The following FUT9 variants were observed in gnomAD, a reference collection of about 807,000 sequenced individuals.
The protein encoded by FUT9 is 4-galactosyl-N-acetylglucosaminide 3-alpha-L-fucosyltransferase 9.
FUT9 carries 15 observed loss-of-function variants against 29.7 expected under a neutral mutation model. The observed-to-expected ratio is 0.51, with a 90% CI of 0.34 to 0.78. The LOEUF (loss-of-function observed/expected upper bound fraction) is 0.78, where lower values mean the gene tolerates loss of function less well. Ranked by LOEUF, FUT9 falls within the 30% of genes least tolerant of loss-of-function variation. The probability of loss-of-function intolerance (pLI) is 0.01; values close to 1 mark genes in which losing one functional copy is unlikely to be tolerated. For synonymous variants in FUT9, 169 were observed against 153.7 expected, an observed-to-expected ratio of 1.10 and a Z score of -0.74; for missense variants, 319 against 425.4, an observed-to-expected ratio of 0.75 and a Z score of 2.20.
At chr6:96,086,947 C>A (rs986511869) in intron 1 of FUT9, among the ~76,000 whole-genome samples, 1 of 152,116 alleles carries the variant, frequency 6.6e-6, no homozygotes, top group Non-Finnish European at 1.5e-5. Flanking sequence ...GTGCAGCCTG[C>A]CAATTTTCGG....
At chr6:96,098,397 C>T (rs749196050) in intron 1 of FUT9, among the ~76,000 whole-genome samples, 19 of 152,108 alleles carry the variant, frequency 1.2e-4, no homozygotes, top group Non-Finnish European at 2.4e-4. Context: ...TAATCACTCA[C>T]GATCCACAGT....
chr6:96,078,747 A>G (rs1771185860), intron 1 of FUT9, among the ~76,000 whole-genome samples: 1 of 151,924 alleles, frequency 6.6e-6, no homozygotes, highest in African/African-American at 2.4e-5. Context: ...CAAATTTTTC[A>G]TGATCGTTAA....
chr6:96,019,419 A>T (rs1325314283), intron 1 of FUT9, among the ~76,000 whole-genome samples: 1 of 152,044 alleles, frequency 6.6e-6, no homozygotes. Context: ...TCATGTCTCT[A>T]TATTATAAAA....
At chr6:96,078,661 G>C (rs1311556775) in intron 1 of FUT9, among the ~76,000 whole-genome samples, 6 of 151,516 alleles carry the variant, frequency 4.0e-5, no homozygotes, top group Non-Finnish European at 8.8e-5. Context: ...ACCTCGTGAT[G>C]AGCCCGACTC....
intron 1 of FUT9, among the ~76,000 whole-genome samples, chr6:96,076,452 A>C (rs1210235982): frequency 6.6e-6 from 1 of 152,168 alleles, no homozygotes; most frequent in African/African-American, 2.4e-5. Context: ...CAAGGAGACA[A>C]ATATCCACAT....
Position 96,203,376 on chromosome 6 carries a change from G to A in FUT9, c.221G>A (p.Gly74Glu), listed in dbSNP as rs1440122300. The part of the protein sequence containing the change: ...TTILVWVWPF[G>E]QTFDLTSCQA... The stretch of plus-strand genomic sequence containing the variant: ...ATTCTGGTGTGGGTGTGGCCATTTG[G>A]GCAGACCTTTGACCTTACATCCTGC... Residue 74 changes from glycine (G) to glutamate (E), a missense_variant, in exon 3 of 3, where the codon GGG (glycine) becomes GAG (glutamate). Gly to Glu is a moderately conservative substitution (Grantham distance 98, BLOSUM62 -2). Coordinates refer to ENST00000302103, the MANE Select transcript of FUT9 (RefSeq NM_006581.4). The A allele has an allele frequency of 6.2e-7, 1 of 1,612,190 alleles. No homozygotes were observed. The highest frequency in any genetic ancestry group is 8.5e-7 in the Non-Finnish European group (1 of 1,178,986).
At chr6:96,080,685 C>T (rs1289801210) in intron 1 of FUT9, among the ~76,000 whole-genome samples, 1 of 151,904 alleles carries the variant, frequency 6.6e-6, no homozygotes, top group Non-Finnish European at 1.5e-5. Context: ...CACAGTCCTT[C>T]CTAAAGTGGT....
chr6:96,058,615 G>A (rs1025395395), intron 1 of FUT9, among the ~76,000 whole-genome samples: 7 of 151,916 alleles, frequency 4.6e-5, no homozygotes, highest in African/African-American at 1.4e-4. Flanking sequence ...AAATACAAAC[G>A]AATGTTTGAA....
chr6:96,077,038 C>T (rs990465212), intron 1 of FUT9, among the ~76,000 whole-genome samples: 1 of 152,070 alleles, frequency 6.6e-6, no homozygotes, highest in Non-Finnish European at 1.5e-5. Flanking sequence ...GGAACACTTC[C>T]ATTCCCTCCC....
At chr6:96,026,611 A>G (rs1770173515) in intron 1 of FUT9, among the ~76,000 whole-genome samples, 1 of 151,684 alleles carries the variant, frequency 6.6e-6, no homozygotes, top group African/African-American at 2.4e-5. Flanking sequence ...CCAATGCTTT[A>G]TAGTTTGAAG....
chr6:96,182,816 A>T (rs1049178712), intron 2 of FUT9, among the ~76,000 whole-genome samples: 1 of 152,112 alleles, frequency 6.6e-6, no homozygotes, highest in Non-Finnish European at 1.5e-5. Flanking sequence ...TTTTTAAACC[A>T]GTACCAGGCT....
rs182491088 is a variant in FUT9 at position 96,122,989 on chromosome 6, G to A, written c.-9+8862G>A. ...GCAGAAGAATGGCGTGAACCCAGAA[G>A]GGGGAGCTTGCAGTGAGCCGAGATC... On this transcript the variant is annotated intron_variant, in intron 2 of 2. Coordinates refer to ENST00000302103, the MANE Select transcript of FUT9 (RefSeq NM_006581.4). Among the ~76,000 whole-genome samples the A allele has an allele frequency of 6.2e-3, 924 of 149,866 alleles. 15 individuals are homozygous for A. Among genetic ancestry groups the A allele is most frequent in the African/African-American group, 0.022 (890 of 40,202 alleles).
intron 1 of FUT9, among the ~76,000 whole-genome samples, chr6:96,111,187 T>C (rs1379844890): frequency 6.6e-6 from 1 of 152,200 alleles, no homozygotes. Flanking sequence ...AAGGGCTTTC[T>C]AAAGACTGAT....
At chr6:96,018,112 A>G (rs1770011782) in intron 1 of FUT9, among the ~76,000 whole-genome samples, 1 of 152,116 alleles carries the variant, frequency 6.6e-6, no homozygotes, top group African/African-American at 2.4e-5. Flanking sequence ...TAATGAGTTT[A>G]TTGTTGGTTT....
chr6:96,126,949 A>C (rs1772144744), intron 2 of FUT9, among the ~76,000 whole-genome samples: 1 of 152,210 alleles, frequency 6.6e-6, no homozygotes, highest in Admixed American at 6.5e-5. Context: ...CAACCAAAAT[A>C]ATTCATGGAA....
At chr6:96,061,918 T>G (rs182258290) in intron 1 of FUT9, among the ~76,000 whole-genome samples, 148 of 152,336 alleles carry the variant, frequency 9.7e-4, no homozygotes, top group African/African-American at 2.4e-3. Context: ...ACTACTGACT[T>G]ACAGAAAACA....
intron 1 of FUT9, among the ~76,000 whole-genome samples, chr6:96,063,267 GTTT>G (rs1231266399): frequency 2.0e-5 from 3 of 152,120 alleles, no homozygotes; most frequent in Admixed American, 6.6e-5. Flanking sequence ...AAGAAAATAG[GTTT>G]AATTGGCTCA....
chr6:96,209,876 T>C lies in FUT9; in HGVS notation c.*5641T>C. Reference sequence around the variant, plus strand: ...ATGAAATTAGAATTTCTTCAAATAATCCATGCCCCCCCGTCACCCAAAAAA... The same window carrying C: ...ATGAAATTAGAATTTCTTCAAATAACCCATGCCCCCCCGTCACCCAAAAAA... On this transcript the variant is annotated 3_prime_UTR_variant, in exon 3 of 3. Coordinates refer to ENST00000302103, the MANE Select transcript of FUT9 (RefSeq NM_006581.4). 1 of 166,604 alleles carries C rather than the reference T, an allele frequency of 6.0e-6. No individual in the cohort carries two copies. The allele number at this position is 166,604 out of a possible 1,614,324, so 10.3% of individuals were successfully genotyped here.
At chr6:96,193,369 A>T (rs1773555315) in intron 2 of FUT9, among the ~76,000 whole-genome samples, 1 of 131,024 alleles carries the variant, frequency 7.6e-6, no homozygotes. Flanking sequence ...AAAAACAAAC[A>T]ACCCCATCAG....
Sources: gnomAD v4.1 joint callset for allele counts (sites outside exome capture counted in the v4.1 genomes callset) on GRCh38, gnomAD v4.1.1 for gene constraint, MANE v1.5 for transcripts, NCBI Gene and HGNC (gene_info 2026-07-23, HGNC 2026-07-21) for gene names.